Variants in OCA2 observed in about 807,000 individuals in gnomAD.
OCA2 encodes OCA2 melanosomal transmembrane protein.
In OCA2, 77 loss-of-function variants were observed where a neutral mutation model predicts 100.2. That is an observed-to-expected ratio of 0.77 (90% CI 0.64 to 0.93). The LOEUF is 0.93. OCA2 is among the 40% of genes least tolerant of loss of function. OCA2 has a pLI of 0.00. For synonymous variants in OCA2, 432 were observed against 439.2 expected (o/e 0.98, Z 0.21); for missense variants, 1,062 against 1,089.1 (o/e 0.98, Z 0.35).
At chr15:27,800,428 T>C (rs2033546903) in intron 23 of OCA2, among the ~76,000 whole-genome samples, 1 of 151,784 alleles carries the variant, frequency 6.6e-6, no homozygotes, top group Non-Finnish European at 1.5e-5. Flanking sequence ...ATGAATAAAA[T>C]TGATAAACTT....
At chr15:27,989,725 C>T in intron 10 of OCA2, 59 bp from the exon 11 acceptor site, 1 of 1,500,528 alleles carries the variant, frequency 6.7e-7, no homozygotes, top group Middle Eastern at 1.7e-4. Context: ...AGTGATGAGC[C>T]TAATGAAGCG....
At chr15:27,839,035 A>G (rs1214073021) in intron 23 of OCA2, among the ~76,000 whole-genome samples, 1 of 152,230 alleles carries the variant, frequency 6.6e-6, no homozygotes, top group African/African-American at 2.4e-5. Context: ...TTTTGAAAGC[A>G]GAAATACTTC....
chr15:27,953,166 G>C (rs2040093206), intron 17 of OCA2, among the ~76,000 whole-genome samples: 1 of 152,352 alleles, frequency 6.6e-6, no homozygotes, highest in Admixed American at 6.5e-5. Context: ...GATTTGGACA[G>C]ATATAGACAT....
At chr15:27,780,473 A>T (rs554677820) in intron 23 of OCA2, among the ~76,000 whole-genome samples, 1 of 152,310 alleles carries the variant, frequency 6.6e-6, no homozygotes, top group East Asian at 1.9e-4. Flanking sequence ...CATGGAATTG[A>T]TAGGAAGAGA....
At chr15:27,930,400 A>G (rs1304935303) in intron 18 of OCA2, among the ~76,000 whole-genome samples, 1 of 152,108 alleles carries the variant, frequency 6.6e-6, no homozygotes, top group East Asian at 2.0e-4. Flanking sequence ...AAATATACAT[A>G]TATACCATTT....
chr15:27,991,243 C>A (rs970789563), intron 9 of OCA2, among the ~76,000 whole-genome samples: 1 of 152,124 alleles, frequency 6.6e-6, no homozygotes. Flanking sequence ...CAGTTTCTTA[C>A]GAAGTTAAAC....
the OCA2 span, among the ~76,000 whole-genome samples, chr15:27,735,245 C>T: frequency 6.6e-6 from 1 of 151,910 alleles, no homozygotes; most frequent in Non-Finnish European, 1.5e-5. Flanking sequence ...AGAGCATCAA[C>T]GTTGGAATTG....
intron 19 of OCA2, among the ~76,000 whole-genome samples, chr15:27,914,077 G>A (rs147958470): frequency 3.0e-3 from 457 of 152,080 alleles, no homozygotes; most frequent in Non-Finnish European, 5.3e-3. Context: ...CAAGTTTGGT[G>A]CAACATATGC....
At chr15:28,038,229 C>G (rs1244548123) in intron 2 of OCA2, among the ~76,000 whole-genome samples, 1 of 152,116 alleles carries the variant, frequency 6.6e-6, no homozygotes, top group African/African-American at 2.4e-5. Flanking sequence ...CAAAAGCAAC[C>G]ACACAGAACA....
At chr15:28,048,481 A>C (rs72712661) in intron 2 of OCA2, among the ~76,000 whole-genome samples, 7,954 of 152,238 alleles carry the variant, frequency 0.052, 271 homozygotes, top group Middle Eastern at 0.1. Context: ...GGGATAACTA[A>C]ATTTCCACGT....
At chr15:27,925,546 A>G (rs1018502228) in intron 19 of OCA2, among the ~76,000 whole-genome samples, 2 of 152,208 alleles carry the variant, frequency 1.3e-5, no homozygotes, top group Non-Finnish European at 2.9e-5. Context: ...AAATGAAAGC[A>G]CGTTACATGT....
rs142627134 is a variant in OCA2, at chr15:27,851,464, G to C, written c.2256C>G (p.Leu752=). The C allele has an allele frequency of 5.6e-6, 9 of 1,613,300 alleles. No homozygotes were observed. The African/African-American group carries it at 6.7e-5, about 12-fold the overall frequency. The change falls in exon 22 of 24, where the codon CTC becomes CTG. Residue 752 remains leucine (L), a synonymous_variant. Coordinates refer to ENST00000354638, the MANE Select transcript of OCA2 (RefSeq NM_000275.3). ...CCTCAGGGTCGTGGCTCAGGTTCAG[G>C]AGCACGGGAATCTGTGGAGGAAGAG... The part of the protein sequence containing the change: ...IPFTATMIPV[L]LNLSHDPEVG...
At chr15:28,073,610 G>C (rs1416376202) in intron 2 of OCA2, among the ~76,000 whole-genome samples, 2 of 152,020 alleles carry the variant, frequency 1.3e-5, no homozygotes, top group Non-Finnish European at 2.9e-5. Flanking sequence ...ATGAAGGAAG[G>C]GGGAGTGGGT....
chr15:27,957,884 AC>A lies in OCA2; in HGVS notation c.1637-150del. On this transcript the variant is annotated intron_variant, in intron 15 of 23. Coordinates refer to ENST00000354638, the MANE Select transcript of OCA2 (RefSeq NM_000275.3). This position sits in a 1 kb window ranked among gnomAD's most constrained non-coding sequence, Gnocchi z 4.3. ...CCAGGGTCACCCAGAGCTTCTCAGC[AC>A]CTGAGCTATTGCAATGGAGCCCAGA... The A allele has an allele frequency of 1.2e-6, 1 of 868,648 alleles. No homozygotes were observed. Among genetic ancestry groups the A allele is most frequent in the Non-Finnish European group, 1.9e-6 (1 of 534,324 alleles). The allele number at this position is 868,648 out of a possible 1,614,324, so 53.8% of individuals were successfully genotyped here.
intron 18 of OCA2, among the ~76,000 whole-genome samples, chr15:27,939,755 AGTGAG>A (rs2039581181): frequency 6.6e-6 from 1 of 152,354 alleles, no homozygotes; most frequent in East Asian, 1.9e-4. Context: ...TGCCTCTCAC[AGTGAG>A]GAGTGGGTAA....
intron 2 of OCA2, among the ~76,000 whole-genome samples, chr15:28,070,116 C>T (rs1208289087): frequency 5.3e-5 from 6 of 112,940 alleles, no homozygotes; most frequent in East Asian, 3.4e-4. Context: ...AGGTGAGGAG[C>T]GTCTCTGCCC....
intron 23 of OCA2, among the ~76,000 whole-genome samples, chr15:27,831,303 A>AAAAAAAAAAAAAAAAAAC (rs1337827985): frequency 6.6e-6 from 1 of 150,960 alleles, no homozygotes; most frequent in Non-Finnish European, 1.5e-5. Context: ...AAAAAAAAAA[A>AAAAAAAAAAAAAAAAAAC]AAATCGGTCT....
intron 2 of OCA2, among the ~76,000 whole-genome samples, chr15:28,067,920 T>C (rs938528782): frequency 3.9e-5 from 6 of 152,214 alleles, no homozygotes; most frequent in African/African-American, 1.4e-4. Context: ...TATCTAACAC[T>C]GTCAATAGGG....
At chr15:27,886,663 A>G (rs2037235745) in intron 19 of OCA2, among the ~76,000 whole-genome samples, 1 of 152,174 alleles carries the variant, frequency 6.6e-6, no homozygotes, top group Non-Finnish European at 1.5e-5. Flanking sequence ...TTTTAAAGTT[A>G]GGTCCAATTA....
Sources: allele counts gnomAD v4.1 joint callset (sites outside exome capture counted in the v4.1 genomes callset), GRCh38; gene constraint gnomAD v4.1.1; non-coding constraint Gnocchi (gnomAD v3.1); transcripts MANE v1.5; gene names NCBI Gene and HGNC (gene_info 2026-07-23, HGNC 2026-07-21).